The following ROBO2 variants were observed in gnomAD, a reference collection of about 807,000 sequenced individuals.
ROBO2 encodes roundabout homolog 2.
In ROBO2, 53 loss-of-function variants were observed where a neutral mutation model predicts 160.8. That is an observed-to-expected ratio of 0.33 (90% CI 0.26 to 0.41). The LOEUF is 0.41. Among genes scored for constraint, ROBO2 ranks in the 10% least tolerant of loss-of-function variants. The probability of loss-of-function intolerance (pLI) is 1.00; values close to 1 mark genes in which losing one functional copy is unlikely to be tolerated. For missense variants in ROBO2, 1,577 were observed against 1,722.4 expected, an observed-to-expected ratio of 0.92 and a Z score of 1.49; for synonymous variants, 664 against 611.7, an observed-to-expected ratio of 1.09 and a Z score of -1.26.
intron 2 of ROBO2, among the ~76,000 whole-genome samples, chr3:76,794,739 G>C (rs373788834): frequency 4.3e-4 from 65 of 152,124 alleles, no homozygotes; most frequent in African/African-American, 1.5e-3. Context: ...TTAAAATAAA[G>C]ATAATGCCCT....
chr3:76,798,490 A>G (rs1245568143), intron 2 of ROBO2, among the ~76,000 whole-genome samples: 2 of 152,230 alleles, frequency 1.3e-5, no homozygotes, highest in Non-Finnish European at 2.9e-5. Context: ...AGTCAATGTG[A>G]TACATCATTT....
chr3:77,108,975 G>T (rs966786450), intron 2 of ROBO2, among the ~76,000 whole-genome samples: 1 of 152,108 alleles, frequency 6.6e-6, no homozygotes, highest in Non-Finnish European at 1.5e-5. Flanking sequence ...TAAACACAGT[G>T]TGGGGTAGAT....
At chr3:77,159,436 T>C (rs1017018183) in intron 2 of ROBO2, among the ~76,000 whole-genome samples, 3 of 152,142 alleles carry the variant, frequency 2.0e-5, no homozygotes, top group Admixed American at 2.0e-4. Context: ...ATACACCTAA[T>C]GTAGATGTGG....
At chr3:76,150,098 G>A (rs868370580) in intron 2 of ROBO2, among the ~76,000 whole-genome samples, 2 of 3,582 alleles carry the variant, frequency 5.6e-4, no homozygotes, top group Admixed American at 2.9e-3. Context: ...TCTGTCTAAA[G>A]CACACATCAT....
intron 2 of ROBO2, among the ~76,000 whole-genome samples, chr3:76,351,666 G>A (rs1175389807): frequency 6.6e-6 from 1 of 151,754 alleles, no homozygotes; most frequent in African/African-American, 2.4e-5. Context: ...TGTCTTTATT[G>A]TTTGCCTTGT....
At chr3:76,421,747 A>C (rs1326934038) in intron 2 of ROBO2, among the ~76,000 whole-genome samples, 2 of 152,100 alleles carry the variant, frequency 1.3e-5, no homozygotes, top group African/African-American at 4.8e-5. Flanking sequence ...GAAGATGGCA[A>C]TTTGTCCATA....
intron 2 of ROBO2, among the ~76,000 whole-genome samples, chr3:76,853,644 A>G (rs1255741942): frequency 6.6e-6 from 1 of 152,164 alleles, no homozygotes; most frequent in Non-Finnish European, 1.5e-5. Flanking sequence ...TTTAAAATAT[A>G]GATGAAGTGT....
rs186716667 is a variant in ROBO2 at position 77,438,260 on chromosome 3, A to C, written c.389-39154A>C. ...AGATTGATAGATAGATAGATGACAG[A>C]GTTGACCTCTGAGAGGGATGAGCAA... On this transcript the variant is annotated intron_variant, in intron 2 of 25. Transcript: ENST00000461745. Among the ~76,000 whole-genome samples the C allele has an allele frequency of 2.8e-3, 418 of 151,908 alleles. 2 individuals are homozygous for C. The highest frequency in any genetic ancestry group is 9.5e-3 in the African/African-American group (393 of 41,488).
chr3:76,131,836 T>C (rs1296435697), intron 2 of ROBO2, among the ~76,000 whole-genome samples: 1 of 152,174 alleles, frequency 6.6e-6, no homozygotes. Flanking sequence ...CAAAGTTCTC[T>C]AAGTTGTAAT....
chr3:77,172,414 T>A (rs75633591), intron 2 of ROBO2, among the ~76,000 whole-genome samples: 7,305 of 152,240 alleles, frequency 0.048, 207 homozygotes, highest in East Asian at 0.087. Flanking sequence ...GATTTTTTTT[T>A]AAAAATGTGT....
At chr3:76,577,874 CA>C (rs1312641647) in intron 2 of ROBO2, among the ~76,000 whole-genome samples, 1 of 152,110 alleles carries the variant, frequency 6.6e-6, no homozygotes, top group Non-Finnish European at 1.5e-5. Flanking sequence ...CAAAAGCCAA[CA>C]AAGAACTGGC....
intron 2 of ROBO2, among the ~76,000 whole-genome samples, chr3:76,537,328 A>G (rs2082560775): frequency 6.6e-6 from 1 of 152,150 alleles, no homozygotes; most frequent in African/African-American, 2.4e-5. Flanking sequence ...AGAAATCAAA[A>G]GTGCCGTTTT....
At chr3:76,474,800 T>C (rs1264609632) in intron 2 of ROBO2, among the ~76,000 whole-genome samples, 1 of 152,146 alleles carries the variant, frequency 6.6e-6, no homozygotes. Context: ...GGGCTCACTC[T>C]TGCATCTGCA....
At position 76,318,479 on chromosome 3, in the gene ROBO2, A is replaced by T. The variant is rs562413360; in HGVS notation, c.109+380877A>T. Among the ~76,000 whole-genome samples the T allele has an allele frequency of 4.6e-5, 7 of 152,272 alleles. No individual in the cohort carries two copies. In the South Asian group the frequency reaches 1.4e-3, roughly 32 times the overall value. On this transcript the variant is annotated intron_variant, in intron 2 of 26. Transcript: ENST00000487694. ...CATGCATATACACATATTTACAAAC[A>T]TATACACACACATTTGTTTAAAAAC...
chr3:77,589,291 G>C (rs2094128334), intron 17 of ROBO2, among the ~76,000 whole-genome samples: 1 of 152,010 alleles, frequency 6.6e-6, no homozygotes, highest in Non-Finnish European at 1.5e-5. Context: ...TTGAGAAGTG[G>C]ATTTATGCAT....
intron 1 of ROBO2, among the ~76,000 whole-genome samples, chr3:77,059,205 G>T (rs1003286618): frequency 4.6e-5 from 7 of 152,142 alleles, no homozygotes; most frequent in Admixed American, 3.3e-4. Context: ...TCTGAGAAAA[G>T]AATTCTAGGT....
intron 2 of ROBO2, among the ~76,000 whole-genome samples, chr3:76,524,847 AAAAAAAAAAAAAAAAAAAAT>A (rs1362673503): frequency 4.1e-5 from 6 of 145,146 alleles, no homozygotes; most frequent in Non-Finnish European, 9.1e-5. Context: ...AAAAAAAAAA[AAAAAAAAAAAAAAAAAAAAT>A]AAGTAAAATC....
chr3:77,468,735 G>A (rs1412723042), intron 2 of ROBO2, among the ~76,000 whole-genome samples: 2 of 152,146 alleles, frequency 1.3e-5, no homozygotes, highest in Non-Finnish European at 2.9e-5. Context: ...CAAGTCACAG[G>A]GCATTCTTGT....
At chr3:76,797,380 C>T (rs865959575) in intron 2 of ROBO2, among the ~76,000 whole-genome samples, 10 of 152,088 alleles carry the variant, frequency 6.6e-5, no homozygotes, top group Middle Eastern at 6.8e-3. Context: ...TTACAAATTT[C>T]CTGACACAAA....
Sources: allele counts gnomAD v4.1 joint callset (sites outside exome capture counted in the v4.1 genomes callset), GRCh38; gene constraint gnomAD v4.1.1; transcripts MANE v1.5; gene names NCBI Gene and HGNC (gene_info 2026-07-23, HGNC 2026-07-21).